Variants in PNPO observed in about 807,000 individuals in gnomAD.
PNPO encodes pyridoxamine 5'-phosphate oxidase.
A neutral mutation model predicts 35.0 loss-of-function variants in PNPO; 39 were observed. The ratio of observed to expected loss-of-function variants is 1.11; its 90% CI spans 0.86 to 1.45. The LOEUF (loss-of-function observed/expected upper bound fraction) is 1.45. Among genes scored for constraint, PNPO ranks in the 40% most tolerant of loss-of-function variants. The pLI is 0.00. For missense variants in PNPO, 288 were observed against 340.0 expected, an observed-to-expected ratio of 0.85 and a Z score of 1.20; for synonymous variants, 115 against 119.8, an observed-to-expected ratio of 0.96 and a Z score of 0.26.
At position 47,945,403 on chromosome 17, in the gene PNPO, T is replaced by C. The variant is rs1442382046; in HGVS notation, c.364-156T>C. ...GTGACTTAGCCTGTCTCTGTGTCTG[T>C]GACAATAGGCCTACTTTTGAGGGTT... On this transcript the variant is annotated intron_variant, in intron 3 of 6. Transcript: ENST00000642017. The surrounding 1 kb of genome is among the most constrained non-coding windows in gnomAD (Gnocchi z 4.0). The C allele has an allele frequency of 1.8e-5, 13 of 710,788 alleles. No individual in the cohort carries two copies. The highest frequency in any genetic ancestry group is 2.8e-5 in the Non-Finnish European group (11 of 387,260). The allele number at this position is 710,788 out of a possible 1,614,324, so 44.0% of individuals were successfully genotyped here.
chr17:47,943,272 ATGT>A (rs757156206), intron 1 of PNPO, 31 bp from the exon 2 acceptor site: 10 of 1,580,472 alleles, frequency 6.3e-6, no homozygotes, highest in Non-Finnish European at 8.7e-6. Context: ...AGCACTATAT[ATGT>A]TTATTAAATG....
chr17:47,944,820 C>G, intron 3 of PNPO, 105 bp downstream of exon 3: 2 of 908,812 alleles, frequency 2.2e-6, no homozygotes, highest in East Asian at 2.4e-5. Context: ...TACTTGCTCT[C>G]TGTGTGCAGG....
At position 47,943,459 on chromosome 17, in the gene PNPO, G is replaced by T. The variant is rs201890468; in HGVS notation, c.263+29G>T. 1.9e-6 allele frequency: 3 copies of T among 1,611,740 alleles called. No homozygotes were observed. The African/African-American group carries it at 4.0e-5, about 21-fold the overall frequency. On this transcript the variant is annotated intron_variant, in intron 2 of 6. Coordinates refer to ENST00000642017, the MANE Select transcript of PNPO (RefSeq NM_018129.4). The stretch of plus-strand genomic sequence containing the variant: ...GGCATGGCTGTGGGCCCCTCTTTGG[G>T]TGGATACATATGAACTAGGAAGCTT...
In PNPO at chr17:47,944,675, G is replaced by A. The variant is rs769985808; in HGVS notation, c.323G>A (p.Arg108His). ...AAGGGCTTCGGGAAAGATGGCTTCC[G>A]CTTCTTCACTAACTTCGAGAGTCGA... The part of the protein sequence containing the change: ...LLKGFGKDGF[R>H]FFTNFESRKG... Residue 108 changes from arginine (R) to histidine (H), a missense_variant, in exon 3 of 7, where the codon CGC becomes CAC. Coordinates refer to ENST00000642017, the MANE Select transcript of PNPO (RefSeq NM_018129.4). 15 of 1,613,994 alleles carry A rather than the reference G, an allele frequency of 9.3e-6. No homozygotes were observed. The highest frequency in any genetic ancestry group is 4.5e-5 in the East Asian group (2 of 44,902).
In PNPO at chr17:47,948,139, G is replaced by A. The variant is rs2036033581; in HGVS notation, c.*1357G>A. The A allele has an allele frequency of 6.6e-6, 1 of 152,176 alleles. No homozygotes were observed. Among genetic ancestry groups the A allele is most frequent in the South Asian group, 2.1e-4 (1 of 4,834 alleles). The allele number at this position is 152,176 out of a possible 1,614,324, so 9.4% of individuals were successfully genotyped here. On this transcript the variant is annotated 3_prime_UTR_variant, in exon 7 of 7. Transcript: ENST00000642017. ...TTATTCCCAGTCCGTCAGGAATTTT[G>A]TAGAAGGGCTTCATGTGCTGGTACC...
chr17:47,946,005 C>A lies in PNPO; in HGVS notation c.546+16C>A. 1.2e-6 allele frequency: 2 copies of A among 1,613,352 alleles called. No individual in the cohort carries two copies. The highest frequency in any genetic ancestry group is 2.2e-5 in the South Asian group (2 of 91,046). On this transcript the variant is annotated intron_variant, in intron 5 of 6. Transcript: ENST00000642017. The stretch of plus-strand genomic sequence containing the variant: ...TGATCGGGAGGTGAGTGGAGCTCCG[C>A]TGTAGTCCTCCAGGTGGTGGAGGCT...
intron 2 of PNPO, 105 bp downstream of exon 2, chr17:47,943,535 A>G (rs1421176771): frequency 7.1e-7 from 1 of 1,400,908 alleles, no homozygotes. Flanking sequence ...CTCTGTTATT[A>G]ACATGCTCTG....
At chr17:47,942,884 C>G (rs970691360) in intron 1 of PNPO, among the ~76,000 whole-genome samples, 3 of 152,130 alleles carry the variant, frequency 2.0e-5, no homozygotes, top group African/African-American at 7.2e-5. Flanking sequence ...CGAGATCACA[C>G]CACCGCACTC....
In PNPO at chr17:47,944,595, T is replaced by C. The variant is rs1228876617; in HGVS notation, c.264-21T>C. 5 of 1,581,332 alleles carry C rather than the reference T, an allele frequency of 3.2e-6. No individual in the cohort carries two copies. The Admixed American group carries it at 8.3e-5, about 26-fold the overall frequency. ...ACATTGAAGCAGACTCTGACCACAGTGCTCTGCTCTTTGCTCCTAGAGATG... is the reference window on the plus strand; with the variant it reads ...ACATTGAAGCAGACTCTGACCACAGCGCTCTGCTCTTTGCTCCTAGAGATG... On this transcript the variant is annotated intron_variant, in intron 2 of 6. Transcript: ENST00000642017.
chr17:47,946,034 G>A, intron 5 of PNPO, 45 bp downstream of exon 5: 2 of 1,610,132 alleles, frequency 1.2e-6, no homozygotes, highest in African/African-American at 1.3e-5. Flanking sequence ...GGAGGCTTTG[G>A]CTTATCCCCA....
chr17:47,942,488 CTG>C (rs1567712626), intron 1 of PNPO, among the ~76,000 whole-genome samples: 2 of 152,004 alleles, frequency 1.3e-5, no homozygotes, highest in Non-Finnish European at 2.9e-5. Context: ...AGCTTACAAA[CTG>C]TTTGACAAAA....
At chr17:47,944,521 G>A in intron 2 of PNPO, 95 bp from the exon 3 acceptor site, 1 of 961,002 alleles carries the variant, frequency 1.0e-6, no homozygotes, top group Non-Finnish European at 1.7e-6. Flanking sequence ...AGGGGGTGCA[G>A]CTGGAGGGGG....
rs1308203735 is a variant in PNPO, at chr17:47,947,116, CT to C, written c.*335del. On this transcript the variant is annotated 3_prime_UTR_variant, in exon 7 of 7. Coordinates refer to ENST00000642017, the MANE Select transcript of PNPO (RefSeq NM_018129.4). ...GGTGACAGACAGGGCCCCAGCAGCC[CT>C]GTCTGTTACCATGTGAGTCATACTG... 4 of 341,092 alleles carry C rather than the reference CT, an allele frequency of 1.2e-5. No homozygotes were observed. Among genetic ancestry groups the C allele is most frequent in the South Asian group, 5.5e-5 (2 of 36,238 alleles). The allele number at this position is 341,092 out of a possible 1,614,324, so 21.1% of individuals were successfully genotyped here.
At position 47,941,587 on chromosome 17, in the gene PNPO, G is replaced by C; in HGVS notation, c.-89G>C. ...GCGACTGGCAAATCCTTCCTTCCCC[G>C]GGGTAGAAGTCCAGGGTGAGAAATT... On this transcript the variant is annotated 5_prime_UTR_variant, in exon 1 of 7. Transcript: ENST00000642017. 1.4e-6 allele frequency: 2 copies of C among 1,420,312 alleles called. No individual in the cohort carries two copies. Among genetic ancestry groups the C allele is most frequent in the Admixed American group, 5.2e-5 (2 of 38,652 alleles). The allele number at this position is 1,420,312 out of a possible 1,614,324, so 88.0% of individuals were successfully genotyped here. A position where few individuals can be genotyped will look rare whatever the true frequency, so the allele number is the denominator to read the frequency against.
Position 47,947,312 on chromosome 17 carries a change from A to G in PNPO, c.*530A>G, listed in dbSNP as rs920967474. 1 of 161,544 alleles carries G rather than the reference A, an allele frequency of 6.2e-6. No homozygotes were observed. The highest frequency in any genetic ancestry group is 2.4e-5 in the African/African-American group (1 of 41,468). The allele number at this position is 161,544 out of a possible 1,614,324, so 10.0% of individuals were successfully genotyped here. On this transcript the variant is annotated 3_prime_UTR_variant, in exon 7 of 7. Transcript: ENST00000642017. ...GAACCAAAAGCCTCTGCCTGCTGCTATTGCAATTCCCAGGATCTCTCCTTC... is the reference window on the plus strand; with the variant it reads ...GAACCAAAAGCCTCTGCCTGCTGCTGTTGCAATTCCCAGGATCTCTCCTTC...
In PNPO at chr17:47,947,337, C is replaced by A. The variant is rs986498791; in HGVS notation, c.*555C>A. 6.2e-6 allele frequency: 1 copy of A among 160,398 alleles called. No homozygotes were observed. The highest frequency in any genetic ancestry group is 5.8e-5 in the Admixed American group (1 of 17,356). The allele number at this position is 160,398 out of a possible 1,614,324, so 9.9% of individuals were successfully genotyped here. ...ATTGCAATTCCCAGGATCTCTCCTT[C>A]CCTGGATCCCTCCCTCCCAGGTCTG... On this transcript the variant is annotated 3_prime_UTR_variant, in exon 7 of 7. Coordinates refer to ENST00000642017, the MANE Select transcript of PNPO (RefSeq NM_018129.4).
chr17:47,943,290 A>C lies in PNPO; in HGVS notation c.139-16A>C. 1 of 1,608,064 alleles carries C rather than the reference A, an allele frequency of 6.2e-7. No individual in the cohort carries two copies. Among genetic ancestry groups the C allele is most frequent in the South Asian group, 1.1e-5 (1 of 90,858 alleles). ...ACTATATATGTTTATTAAATGAAAT[A>C]AATCTCCTTTCCTAGGCATTTGAGG... On this transcript the variant is annotated splice_polypyrimidine_tract_variant and intron_variant, in intron 1 of 6. Transcript: ENST00000642017.
Position 47,942,007 on chromosome 17 carries a change from G to A in PNPO, c.138+194G>A. ...ATCCCACCAGGGGAGGAGTTCCGGG[G>A]AAACGCAAATGAAGATGGGTTCAAA... On this transcript the variant is annotated intron_variant, in intron 1 of 6. Transcript: ENST00000642017. 8.3e-6 allele frequency: 11 copies of A among 1,328,136 alleles called. No homozygotes were observed. The South Asian group carries it at 2.1e-4, about 25-fold the overall frequency. The allele number at this position is 1,328,136 out of a possible 1,614,324, so 82.3% of individuals were successfully genotyped here.
chr17:47,946,490 G>A, intron 6 of PNPO, 97 bp downstream of exon 6: 4 of 1,397,648 alleles, frequency 2.9e-6, no homozygotes, highest in Non-Finnish European at 3.1e-6. Context: ...CTCCTCCCTG[G>A]CCACCCTTGT....
Sources: gnomAD v4.1 joint callset for allele counts (sites outside exome capture counted in the v4.1 genomes callset) on GRCh38, gnomAD v4.1.1 for gene constraint, Gnocchi (gnomAD v3.1) non-coding constraint, MANE v1.5 for transcripts, NCBI Gene and HGNC (gene_info 2026-07-23, HGNC 2026-07-21) for gene names.